KIF1A: variants seen among roughly 807,000 people sequenced by gnomAD.
KIF1A encodes the protein kinesin-like protein KIF1A.
In KIF1A, 46 loss-of-function variants were observed where a neutral mutation model predicts 227.3. The ratio of observed to expected loss-of-function variants is 0.20; its 90% CI spans 0.16 to 0.26. The LOEUF (loss-of-function observed/expected upper bound fraction) is 0.26. Ranked by LOEUF, KIF1A falls within the 10% of genes least tolerant of loss-of-function variation. The probability of loss-of-function intolerance (pLI) is 1.00; values close to 1 mark genes in which losing one functional copy is unlikely to be tolerated. For synonymous variants in KIF1A, 1,022 were observed against 1,012.8 expected (o/e 1.01, Z -0.17); for missense variants, 1,683 against 2,485.9 (o/e 0.68, Z 6.87).
At position 240,786,323 on chromosome 2, in the gene KIF1A, C is replaced by A. The variant is rs1169455430; in HGVS notation, c.608+12G>T. The A allele has an allele frequency of 4.3e-6, 7 of 1,610,826 alleles. No homozygotes were observed. The highest frequency in any genetic ancestry group is 5.9e-6 in the Non-Finnish European group (7 of 1,177,622). On this transcript the variant is annotated intron_variant, in intron 6 of 48. Coordinates refer to ENST00000498729, the MANE Select transcript of KIF1A (RefSeq NM_001244008.2). ...AGGAGGGCAGGGAGGTCCAGTGAGT[C>A]CCTCCACCCACCTGGCCTTGTTCCC...
intron 38 of KIF1A, among the ~76,000 whole-genome samples, chr2:240,729,773 C>T (rs1226920451): frequency 6.6e-6 from 1 of 152,268 alleles, no homozygotes; most frequent in Admixed American, 6.5e-5. Context: ...TGGAGTCTCA[C>T]CTGTGAGCTG....
At position 240,757,943 on chromosome 2, in the gene KIF1A, G is replaced by A. The variant is rs1392514061; in HGVS notation, c.2583-349C>T. 6.6e-6 allele frequency among the ~76,000 whole-genome samples: 1 copy of A among 152,238 alleles called. No homozygotes were observed. The highest frequency in any genetic ancestry group is 2.4e-5 in the African/African-American group (1 of 41,464). On this transcript the variant is annotated intron_variant, in intron 26 of 48. Transcript: ENST00000498729. This position sits in a 1 kb window ranked among gnomAD's most constrained non-coding sequence, Gnocchi z 6.2. ...GGTCCCATGGGGTGAAGGGGGCTGG[G>A]TGCAGACCCCAGACTGGAGACCGGG...
At chr2:240,772,728 G>A (rs1251331180) in intron 13 of KIF1A, 132 bp from the exon 14 acceptor site, 3 of 717,792 alleles carry the variant, frequency 4.2e-6, no homozygotes, top group Non-Finnish European at 7.2e-6. Flanking sequence ...AAGCAGGGTG[G>A]TGAAGGTCTT....
intron 1 of KIF1A, among the ~76,000 whole-genome samples, chr2:240,807,431 C>A (rs1297055200): frequency 2.0e-5 from 3 of 152,172 alleles, no homozygotes; most frequent in Non-Finnish European, 4.4e-5. Context: ...GCATGAGCCA[C>A]CGCACCCAGC....
intron 10 of KIF1A, among the ~76,000 whole-genome samples, chr2:240,777,532 C>T (rs577021616): frequency 2.0e-4 from 30 of 152,292 alleles, no homozygotes; most frequent in African/African-American, 7.0e-4. Flanking sequence ...AGGACCACCC[C>T]GCTCTCCCGT....
At chr2:240,784,255 C>T (rs371631764) in intron 7 of KIF1A, among the ~76,000 whole-genome samples, 1 of 152,294 alleles carries the variant, frequency 6.6e-6, no homozygotes, top group South Asian at 2.1e-4. Flanking sequence ...GAGGTGGGCA[C>T]CGGCCAGGCT....
intron 1 of KIF1A, among the ~76,000 whole-genome samples, chr2:240,814,234 A>C (rs77180878): frequency 0.11 from 17,205 of 152,012 alleles, 1,326 homozygotes; most frequent in Non-Finnish European, 0.16. Flanking sequence ...CCATCCTTAC[A>C]CCCGTCGACA....
intron 14 of KIF1A, chr2:240,771,385 C>T (rs548927614): frequency 2.2e-4 from 108 of 495,608 alleles, no homozygotes; most frequent in African/African-American, 1.7e-3. Context: ...CCAGCAGTGG[C>T]GCGCACTTGC....
intron 10 of KIF1A, among the ~76,000 whole-genome samples, chr2:240,779,897 C>A (rs1000123422): frequency 1.3e-5 from 2 of 152,194 alleles, no homozygotes; most frequent in Non-Finnish European, 2.9e-5. Context: ...CCATGTTTCC[C>A]CCCAGGCCTC....
intron 23 of KIF1A, 62 bp from the exon 24 acceptor site, chr2:240,761,439 G>C: frequency 6.8e-7 from 1 of 1,461,698 alleles, no homozygotes; most frequent in South Asian, 1.4e-5. Flanking sequence ...ACCATGCCCC[G>C]CCCTCTGGAA....
chr2:240,817,287 G>A (rs1374513967), intron 1 of KIF1A, among the ~76,000 whole-genome samples: 1 of 152,188 alleles, frequency 6.6e-6, no homozygotes, highest in African/African-American at 2.4e-5. Context: ...TCTCAGAGAC[G>A]CTCCTGGGCA....
intron 38 of KIF1A, among the ~76,000 whole-genome samples, chr2:240,727,613 T>C (rs1055982127): frequency 2.6e-5 from 4 of 152,160 alleles, no homozygotes; most frequent in Admixed American, 2.6e-4. Flanking sequence ...GCGTCTCTGT[T>C]AGCACACGGG....
In KIF1A at chr2:240,763,005, G is replaced by A. The variant is rs903034517; in HGVS notation, c.2022+14C>T. 5 of 1,479,684 alleles carry A rather than the reference G, an allele frequency of 3.4e-6. No individual in the cohort carries two copies. The African/African-American group carries it at 4.2e-5, about 12-fold the overall frequency. The allele number at this position is 1,479,684 out of a possible 1,614,324, so 91.7% of individuals were successfully genotyped here. A position where few individuals can be genotyped will look rare whatever the true frequency, so the allele number is the denominator to read the frequency against. Reference sequence around the variant, plus strand: ...GTGGGGGCTGGGCAGGGAGGGCGGGGCCACGTCACTCACCAGCCGCTGCTG... The same window carrying A: ...GTGGGGGCTGGGCAGGGAGGGCGGGACCACGTCACTCACCAGCCGCTGCTG... On this transcript the variant is annotated intron_variant, in intron 22 of 48. Transcript: ENST00000498729.
At chr2:240,797,604 G>T in intron 2 of KIF1A, 43 bp downstream of exon 2, 1 of 1,416,974 alleles carries the variant, frequency 7.1e-7, no homozygotes, top group African/African-American at 1.4e-5. Context: ...ATGGCCCCCA[G>T]CAACCCATGG....
intron 9 of KIF1A, 35 bp downstream of exon 9, chr2:240,783,009 G>A: frequency 6.4e-7 from 1 of 1,550,622 alleles, no homozygotes; most frequent in Non-Finnish European, 8.9e-7. Context: ...GACCCTCTGG[G>A]GTTCTGGCTA....
intron 34 of KIF1A, among the ~76,000 whole-genome samples, chr2:240,742,312 C>T (rs1052837185): frequency 6.6e-6 from 1 of 152,004 alleles, no homozygotes; most frequent in Non-Finnish European, 1.5e-5. Context: ...ACCACACTCC[C>T]TCCTTCAGGA....
At chr2:240,745,168 G>A (rs1195368397) in intron 32 of KIF1A, among the ~76,000 whole-genome samples, 2 of 152,094 alleles carry the variant, frequency 1.3e-5, no homozygotes, top group African/African-American at 4.8e-5. Context: ...ACCTGCATCC[G>A]GCTCCCCATC....
Position 240,722,473 on chromosome 2 carries a change from G to A in KIF1A, c.4648C>T (p.Arg1550Trp), listed in dbSNP as rs1468401006. ...GGACCCACCTTGACGGCCAGCTCCC[G>A]CTGCCTCTCGTTGGGAGCCTCCAGG... ...SPLEAPNERQRELAVKCLRLL... is the reference protein window; with the variant it reads ...SPLEAPNERQWELAVKCLRLL... The change falls in exon 43 of 49, where the codon CGG (arginine) becomes TGG (tryptophan). Residue 1550 changes from arginine (R) to tryptophan (W), a missense_variant. Arg to Trp is a moderately radical substitution (Grantham distance 101). Coordinates refer to ENST00000498729, the MANE Select transcript of KIF1A (RefSeq NM_001244008.2). The A allele has an allele frequency of 5.8e-6, 9 of 1,546,748 alleles. No homozygotes were observed. Among genetic ancestry groups the A allele is most frequent in the East Asian group, 4.9e-5 (2 of 41,008 alleles).
intron 1 of KIF1A, among the ~76,000 whole-genome samples, chr2:240,801,490 T>C (rs4676442): frequency 0.45 from 67,859 of 152,028 alleles, 16,333 homozygotes; most frequent in African/African-American, 0.64. Flanking sequence ...CAGAAAAGTA[T>C]AGGACACAGT....
Sources: allele counts gnomAD v4.1 joint callset (sites outside exome capture counted in the v4.1 genomes callset), GRCh38; gene constraint gnomAD v4.1.1; non-coding constraint Gnocchi (gnomAD v3.1); transcripts MANE v1.5; gene names NCBI Gene and HGNC (gene_info 2026-07-23, HGNC 2026-07-21).